COPG2: variants seen among roughly 807,000 people sequenced by gnomAD.
COPG2 encodes coatomer subunit gamma-2.
In COPG2, 37 loss-of-function variants were observed where a neutral mutation model predicts 46.3. That is an observed-to-expected ratio of 0.80 (90% confidence interval 0.61 to 1.05). The LOEUF is 1.05. COPG2 is among the 50% of genes least tolerant of loss of function. The pLI, the probability that COPG2 is intolerant of heterozygous loss-of-function variation, is 0.00. For missense variants in COPG2, 427 were observed against 387.8 expected, an observed-to-expected ratio of 1.10 and a Z score of -0.85; for synonymous variants, 159 against 129.7, an observed-to-expected ratio of 1.23 and a Z score of -1.53.
intron 9 of COPG2, among the ~76,000 whole-genome samples, chr7:130,604,984 T>TTATACTACTAGAATAAACCCATACTGG (rs1794701788): frequency 6.6e-6 from 1 of 152,248 alleles, no homozygotes; most frequent in Non-Finnish European, 1.5e-5. Context: ...TAGATCAACC[T>TTATACTACTAGAATAAACCCATACTGG]TATACTACTA....
chr7:130,570,772 G>T (rs1196647247), intron 9 of COPG2, among the ~76,000 whole-genome samples: 2 of 152,086 alleles, frequency 1.3e-5, no homozygotes, highest in Non-Finnish European at 2.9e-5. Flanking sequence ...AACAAATCTG[G>T]AGGCATCACA....
intron 20 of COPG2, among the ~76,000 whole-genome samples, chr7:130,535,800 G>C (rs1204663563): frequency 6.6e-6 from 1 of 152,008 alleles, no homozygotes; most frequent in Non-Finnish European, 1.5e-5. Flanking sequence ...TGAGCTGGTG[G>C]ACAATTACAT....
chr7:130,613,382 G>A (rs751303382), intron 7 of COPG2, among the ~76,000 whole-genome samples, 162 bp downstream of exon 7: 19 of 152,092 alleles, frequency 1.2e-4, no homozygotes, highest in Middle Eastern at 3.4e-3. Flanking sequence ...TGAAGCCCTG[G>A]GGTGGGGACC....
Position 130,652,900 on chromosome 7 carries a change from T to G in COPG2, c.292A>C (p.Ile98Leu). ...GTGACAATTATCACATCCTCAGAGA[T>G]GGTAGCCATTTCTTTGATGGTAAGG... ...CYLTIKEMATISEDVIIVTSS... is the reference protein window; with the variant it reads ...CYLTIKEMATLSEDVIIVTSS... Residue 98 changes from isoleucine to leucine, a missense_variant, in exon 5 of 24, where the codon ATC becomes CTC. Physicochemically the swap from Ile to Leu is conservative, Grantham distance 5. Transcript: ENST00000425248. 1 of 1,607,594 alleles carries G rather than the reference T, an allele frequency of 6.2e-7. No homozygotes were observed. Among genetic ancestry groups the G allele is most frequent in the South Asian group, 1.1e-5 (1 of 89,734 alleles).
intron 5 of COPG2, among the ~76,000 whole-genome samples, chr7:130,634,755 G>A (rs1351695398): frequency 6.6e-6 from 1 of 152,042 alleles, no homozygotes; most frequent in African/African-American, 2.4e-5. Flanking sequence ...TGTTGAATAG[G>A]AGTGGTGAGA....
At chr7:130,509,038 A>AC (rs1563032160) in intron 20 of COPG2, 1 of 479,882 alleles carries the variant, frequency 2.1e-6, no homozygotes, top group Non-Finnish European at 4.1e-6. Context: ...CAAAAAAAAA[A>AC]ACAAAAAAAA....
At chr7:130,607,847 C>A (rs190948087) in intron 9 of COPG2, 35 of 517,262 alleles carry the variant, frequency 6.8e-5, no homozygotes, top group East Asian at 1.6e-4. Context: ...AGCAAAAAAA[C>A]CCCACAAATT....
intron 6 of COPG2, among the ~76,000 whole-genome samples, chr7:130,614,981 T>C (rs1182977179): frequency 6.6e-6 from 1 of 152,182 alleles, no homozygotes; most frequent in African/African-American, 2.4e-5. Flanking sequence ...TCCCTGACTA[T>C]CCATTATTTT....
intron 9 of COPG2, among the ~76,000 whole-genome samples, chr7:130,576,881 CAAG>C (rs1349569961): frequency 4.6e-5 from 7 of 152,034 alleles, no homozygotes; most frequent in Non-Finnish European, 1.0e-4. Flanking sequence ...CAAGATCAAC[CAAG>C]AAGAGAGAAA....
chr7:130,646,532 C>T (rs118018176), intron 5 of COPG2, among the ~76,000 whole-genome samples: 5,401 of 152,112 alleles, frequency 0.036, 140 homozygotes, highest in South Asian at 0.085. Context: ...AGTTACTGTT[C>T]GGACATGTTA....
At chr7:130,553,784 G>A (rs1055947912) in intron 14 of COPG2, among the ~76,000 whole-genome samples, 1 of 152,188 alleles carries the variant, frequency 6.6e-6, no homozygotes, top group South Asian at 2.1e-4. Flanking sequence ...AAATAAGAGT[G>A]AGGAGTGATG....
rs957467390 is a variant in COPG2, at chr7:130,519,239, G to C, written c.2150-10580C>G. ...GCTAGATACCAACCATGGGAGAAAA[G>C]GGGGGAGTGAGAACATAGCAAATAA... On this transcript the variant is annotated intron_variant, in intron 20 of 23. Coordinates refer to ENST00000425248, the MANE Select transcript of COPG2 (RefSeq NM_012133.6). Among the ~76,000 whole-genome samples, 8 of 152,252 alleles carry C rather than the reference G, an allele frequency of 5.3e-5. No individual in the cohort carries two copies. In the East Asian group the frequency reaches 5.8e-4, roughly 11 times the overall value.
chr7:130,625,698 C>T (rs1035596), intron 5 of COPG2, among the ~76,000 whole-genome samples: 22,042 of 150,744 alleles, frequency 0.15, 2,950 homozygotes, highest in African/African-American at 0.36. Flanking sequence ...ACTTAGCTTA[C>T]GGGTTTATTT....
At chr7:130,555,602 G>A (rs904499160) in intron 12 of COPG2, among the ~76,000 whole-genome samples, 148 of 152,276 alleles carry the variant, frequency 9.7e-4, no homozygotes, top group African/African-American at 3.2e-3. Context: ...TAAGGTGGGT[G>A]GATCACCAAA....
intron 9 of COPG2, among the ~76,000 whole-genome samples, chr7:130,603,139 G>A (rs1794668352): frequency 6.6e-6 from 1 of 152,148 alleles, no homozygotes; most frequent in South Asian, 2.1e-4. Context: ...ATGACAGTAT[G>A]AAAATCATAC....
At chr7:130,551,675 G>A (rs973970895) in intron 15 of COPG2, among the ~76,000 whole-genome samples, 1 of 152,104 alleles carries the variant, frequency 6.6e-6, no homozygotes, top group African/African-American at 2.4e-5. Flanking sequence ...TCTGTAATTA[G>A]GAAATGGGAG....
chr7:130,550,994 G>C (rs1038374485), intron 16 of COPG2, among the ~76,000 whole-genome samples: 8 of 152,162 alleles, frequency 5.3e-5, no homozygotes, highest in Admixed American at 4.6e-4. Flanking sequence ...GGAGAACCAG[G>C]AATAAGTGAG....
intron 5 of COPG2, among the ~76,000 whole-genome samples, chr7:130,622,259 T>C (rs782562196): frequency 1.3e-5 from 2 of 152,190 alleles, no homozygotes; most frequent in Non-Finnish European, 2.9e-5. Context: ...CACTAACTGT[T>C]AGCCCCTGGC....
At chr7:130,527,739 G>C (rs1799787451) in intron 20 of COPG2, among the ~76,000 whole-genome samples, 1 of 152,188 alleles carries the variant, frequency 6.6e-6, no homozygotes, top group Admixed American at 6.5e-5. Context: ...AGATGCATGT[G>C]TGGCAGGGCT....
Sources: gnomAD v4.1 joint callset for allele counts (sites outside exome capture counted in the v4.1 genomes callset) on GRCh38, gnomAD v4.1.1 for gene constraint, MANE v1.5 for transcripts, NCBI Gene and HGNC (gene_info 2026-07-23, HGNC 2026-07-21) for gene names.